The following GRIK2 variants were observed in gnomAD, a reference collection of about 807,000 sequenced individuals.
The protein encoded by GRIK2 is glutamate receptor ionotropic, kainate 2.
A neutral mutation model predicts 100.3 loss-of-function variants in GRIK2; 32 were observed. The ratio of observed to expected loss-of-function variants is 0.32; its 90% CI spans 0.24 to 0.43. The LOEUF (loss-of-function observed/expected upper bound fraction) is 0.43, where lower values mean the gene tolerates loss of function less well. GRIK2 is among the 20% of genes least tolerant of loss of function. GRIK2 has a pLI of 1.00. For missense variants in GRIK2, 843 were observed against 1,114.9 expected (o/e 0.76, Z 3.47); for synonymous variants, 417 against 389.4 (o/e 1.07, Z -0.83).
intron 4 of GRIK2, among the ~76,000 whole-genome samples, chr6:101,672,482 GC>G (rs1272214408): frequency 1.3e-5 from 2 of 151,932 alleles, no homozygotes; most frequent in East Asian, 3.9e-4. Flanking sequence ...CATTTTTTCT[GC>G]CTGATATTTT....
At chr6:101,604,943 A>G (rs2128311285) in intron 2 of GRIK2, among the ~76,000 whole-genome samples, 1 of 152,100 alleles carries the variant, frequency 6.6e-6, no homozygotes, top group South Asian at 2.1e-4. Flanking sequence ...CAAGAACAAT[A>G]TAGTAAAATG....
intron 3 of GRIK2, among the ~76,000 whole-genome samples, chr6:101,625,380 T>TAAA (rs1317895729): frequency 2.1e-4 from 30 of 143,396 alleles, no homozygotes; most frequent in African/African-American, 7.0e-4. Flanking sequence ...ATCAACAAAA[T>TAAA]AAATAATAAA....
Position 101,678,436 on chromosome 6 carries a change from T to C in GRIK2, c.723+1632T>C, listed in dbSNP as rs574760637. Among the ~76,000 whole-genome samples the C allele has an allele frequency of 6.6e-5, 10 of 151,816 alleles. No individual in the cohort carries two copies. In the South Asian group the frequency reaches 2.1e-3, roughly 31 times the overall value. ...GGTCAGTAGATGAAAAATTAGAAAA[T>C]AGGTAAAATGAGAATATGAAAGTTG... On this transcript the variant is annotated intron_variant, in intron 5 of 16. Coordinates refer to ENST00000369134, the MANE Select transcript of GRIK2 (RefSeq NM_021956.5).
chr6:101,829,375 T>G (rs992775001), intron 10 of GRIK2, among the ~76,000 whole-genome samples: 1 of 151,916 alleles, frequency 6.6e-6, no homozygotes, highest in African/African-American at 2.4e-5. Context: ...ATTCAACATT[T>G]TACTTGAAGT....
At chr6:101,398,130 A>G (rs1463589845) in intron 1 of GRIK2, among the ~76,000 whole-genome samples, 5 of 152,138 alleles carry the variant, frequency 3.3e-5, no homozygotes, top group African/African-American at 1.2e-4. Context: ...GTAACACTCA[A>G]TGTCGCTCAT....
chr6:101,620,173 C>T (rs1050225457), intron 2 of GRIK2: 2 of 741,148 alleles, frequency 2.7e-6, no homozygotes, highest in South Asian at 6.2e-5. Context: ...GAATGTTAAA[C>T]CCGGTCTAGC....
At chr6:101,980,264 C>A (rs369352003) in intron 14 of GRIK2, among the ~76,000 whole-genome samples, 3 of 151,938 alleles carry the variant, frequency 2.0e-5, no homozygotes, top group Non-Finnish European at 4.4e-5. Context: ...ACAAATGATT[C>A]TTTCCAGTGG....
chr6:101,466,594 TAAAAA>T (rs3057462), intron 2 of GRIK2, among the ~76,000 whole-genome samples: 4 of 142,764 alleles, frequency 2.8e-5, no homozygotes, highest in African/African-American at 5.2e-5. Flanking sequence ...TGCTTTTTTC[TAAAAA>T]AAAAAAAAAG....
chr6:101,735,311 G>T (rs973805834), intron 7 of GRIK2, among the ~76,000 whole-genome samples: 1 of 151,952 alleles, frequency 6.6e-6, no homozygotes, highest in Non-Finnish European at 1.5e-5. Flanking sequence ...CTTTTTTTTG[G>T]CTCCTATTGT....
chr6:101,900,012 T>C (rs1810141381), intron 12 of GRIK2, among the ~76,000 whole-genome samples: 1 of 152,064 alleles, frequency 6.6e-6, no homozygotes, highest in Admixed American at 6.6e-5. Flanking sequence ...AGAGAAAATT[T>C]TGCTTGTAAA....
Position 102,005,995 on chromosome 6 carries a change from C to G in GRIK2, c.2086-29346C>G, listed in dbSNP as rs76432052. 5.0e-3 allele frequency among the ~76,000 whole-genome samples: 763 copies of G among 152,014 alleles called. 8 individuals are homozygous for G. The highest frequency in any genetic ancestry group is 0.018 in the African/African-American group (739 of 41,454). ...TGATTTCCTCTTATAAAGATTCAAGCTTAGTTAGATTAAGGTGCACTGCGA... is the reference window on the plus strand; with the variant it reads ...TGATTTCCTCTTATAAAGATTCAAGGTTAGTTAGATTAAGGTGCACTGCGA... On this transcript the variant is annotated intron_variant, in intron 14 of 16. Coordinates refer to ENST00000369134, the MANE Select transcript of GRIK2 (RefSeq NM_021956.5).
intron 2 of GRIK2, among the ~76,000 whole-genome samples, chr6:101,613,990 GT>G (rs2128314073): frequency 6.6e-6 from 1 of 151,710 alleles, no homozygotes; most frequent in Admixed American, 6.6e-5. Context: ...GGAGAACTTT[GT>G]GCTGGAGCTC....
chr6:101,592,945 T>C (rs190396115), intron 2 of GRIK2, among the ~76,000 whole-genome samples: 2 of 151,944 alleles, frequency 1.3e-5, no homozygotes, highest in Admixed American at 6.6e-5. Context: ...ACATTAATTA[T>C]TTGCTGGAAC....
At chr6:101,709,656 A>C (rs898420402) in intron 7 of GRIK2, among the ~76,000 whole-genome samples, 1 of 151,866 alleles carries the variant, frequency 6.6e-6, no homozygotes, top group East Asian at 1.9e-4. Context: ...AATGCTTTAA[A>C]ATGGAAGGAA....
chr6:101,630,903 T>C (rs943902987), intron 4 of GRIK2, among the ~76,000 whole-genome samples: 7 of 152,250 alleles, frequency 4.6e-5, no homozygotes, highest in South Asian at 2.1e-4. Flanking sequence ...ATGTATGCTG[T>C]TGCTCCCATT....
At chr6:101,816,206 A>G (rs1199792103) in intron 9 of GRIK2, among the ~76,000 whole-genome samples, 5 of 152,076 alleles carry the variant, frequency 3.3e-5, no homozygotes, top group Non-Finnish European at 7.3e-5. Flanking sequence ...GTAGCATTAC[A>G]CATCTGAAAA....
chr6:101,880,446 G>T (rs1217168959), intron 11 of GRIK2, among the ~76,000 whole-genome samples: 1 of 151,978 alleles, frequency 6.6e-6, no homozygotes, highest in Non-Finnish European at 1.5e-5. Flanking sequence ...TTGCTTCAAA[G>T]AGTTGTGTAT....
intron 2 of GRIK2, among the ~76,000 whole-genome samples, chr6:101,435,974 T>C (rs1006875069): frequency 4.5e-4 from 69 of 152,272 alleles, no homozygotes; most frequent in Admixed American, 4.4e-3. Context: ...TTCCCTTCTT[T>C]TATTTCATAT....
intron 16 of GRIK2, among the ~76,000 whole-genome samples, chr6:102,057,997 T>A (rs1771547060): frequency 6.6e-6 from 1 of 151,828 alleles, no homozygotes; most frequent in African/African-American, 2.4e-5. Flanking sequence ...CATTTCCTAT[T>A]GCAATGAAAA....
Sources: allele counts gnomAD v4.1 joint callset (sites outside exome capture counted in the v4.1 genomes callset), GRCh38; gene constraint gnomAD v4.1.1; transcripts MANE v1.5; gene names NCBI Gene and HGNC (gene_info 2026-07-23, HGNC 2026-07-21).